HIVEP3: variants seen among roughly 807,000 people sequenced by gnomAD.
The protein encoded by HIVEP3 is transcription factor HIVEP3.
A neutral mutation model predicts 152.8 loss-of-function variants in HIVEP3; 49 were observed. The ratio of observed to expected loss-of-function variants is 0.32; its 90% CI spans 0.26 to 0.41. HIVEP3 has a LOEUF of 0.41. Ranked by LOEUF, HIVEP3 falls within the 10% of genes least tolerant of loss-of-function variation. The probability of loss-of-function intolerance (pLI) is 1.00; values close to 1 mark genes in which losing one functional copy is unlikely to be tolerated. For synonymous variants in HIVEP3, 1,269 were observed against 1,289.0 expected, an observed-to-expected ratio of 0.98 and a Z score of 0.33; for missense variants, 2,790 against 3,103.3, an observed-to-expected ratio of 0.90 and a Z score of 2.40.
chr1:41,689,754 A>G (rs1646167566), intron 2 of HIVEP3, among the ~76,000 whole-genome samples: 1 of 152,250 alleles, frequency 6.6e-6, no homozygotes, highest in Admixed American at 6.5e-5. Flanking sequence ...TCCCTGGCCC[A>G]GCTAATCCAA....
Position 41,559,822 on chromosome 1 carries a change from G to A in HIVEP3, c.5207+15722C>T, listed in dbSNP as rs570198250. Among the ~76,000 whole-genome samples, 54 of 152,336 alleles carry A rather than the reference G, an allele frequency of 3.5e-4. 1 individual carries two copies. Among genetic ancestry groups the A allele is most frequent in the African/African-American group, 1.3e-3 (53 of 41,576 alleles). On this transcript the variant is annotated intron_variant, in intron 5 of 8. Transcript: ENST00000372583. Reference sequence around the variant, plus strand: ...GGATTCTTTTCTAATAATAACAGCTGAGTTTTATGAAGCACTTACTATGTG... The same window carrying A: ...GGATTCTTTTCTAATAATAACAGCTAAGTTTTATGAAGCACTTACTATGTG...
intron 1 of HIVEP3, among the ~76,000 whole-genome samples, chr1:41,850,129 G>A (rs1643556401): frequency 6.6e-6 from 1 of 152,190 alleles, no homozygotes; most frequent in South Asian, 2.1e-4. Context: ...GTCTGGGGTG[G>A]AGGCTGACAG....
intron 1 of HIVEP3, among the ~76,000 whole-genome samples, chr1:41,881,899 A>G (rs1644267533): frequency 6.6e-6 from 1 of 152,238 alleles, no homozygotes; most frequent in Non-Finnish European, 1.5e-5. Context: ...GTATGTCCAG[A>G]GTGTAAGAGA....
chr1:41,853,528 G>A (rs1407690144), intron 1 of HIVEP3, among the ~76,000 whole-genome samples: 2 of 152,160 alleles, frequency 1.3e-5, no homozygotes, highest in African/African-American at 2.4e-5. Flanking sequence ...CTGCCCCCAC[G>A]ATTCAATCAC....
Position 41,510,644 on chromosome 1 carries a change from G to A in HIVEP3, c.7028C>T (p.Pro2343Leu), listed in dbSNP as rs1327266780. The change falls in exon 9 of 9, where the codon CCT becomes CTT. Residue 2343 changes from proline to leucine, a missense_variant. This residue lies in a region of HIVEP3 where 816 missense variants were observed against 806.5 expected (regional missense o/e 1.01). Coordinates refer to ENST00000372583, the MANE Select transcript of HIVEP3 (RefSeq NM_024503.5). ...ESPRAPTNPE[P>L]SATPPLDRSS... ...GCGGTCCAGCGGCGGGGTGGCAGAA[G>A]GCTCGGGGTTGGTCGGTGCACGCGG... The A allele has an allele frequency of 6.5e-7, 1 of 1,541,200 alleles. No homozygotes were observed. Among genetic ancestry groups the A allele is most frequent in the Non-Finnish European group, 8.8e-7 (1 of 1,141,934 alleles).
chr1:41,802,983 GCCCCCA>G (rs1650394840), intron 1 of HIVEP3, among the ~76,000 whole-genome samples: 1 of 152,204 alleles, frequency 6.6e-6, no homozygotes, highest in African/African-American at 2.4e-5. Context: ...CTGGCAGGGT[GCCCCCA>G]CTCCCTGCCC....
chr1:41,757,177 G>A (rs565970798), intron 1 of HIVEP3, among the ~76,000 whole-genome samples: 107 of 151,054 alleles, frequency 7.1e-4, no homozygotes, highest in African/African-American at 1.2e-3. Context: ...GCGCAGTGGC[G>A]TGATCTCGGC....
chr1:41,587,003 T>C (rs1200447438), intron 3 of HIVEP3, among the ~76,000 whole-genome samples: 1 of 152,044 alleles, frequency 6.6e-6, no homozygotes, highest in East Asian at 1.9e-4. Context: ...ACTTATGGTG[T>C]TTCTATAATT....
intron 1 of HIVEP3, among the ~76,000 whole-genome samples, chr1:41,966,640 ATT>A (rs373102318): frequency 0.016 from 2,342 of 142,490 alleles, 34 homozygotes; most frequent in Non-Finnish European, 0.022. Flanking sequence ...TGCCCAGCTA[ATT>A]TTTTTTTTTT....
At chr1:41,607,825 T>A (rs778452249) in intron 3 of HIVEP3, among the ~76,000 whole-genome samples, 8 of 152,240 alleles carry the variant, frequency 5.3e-5, no homozygotes, top group Admixed American at 5.2e-4. Flanking sequence ...TAAGTGGCCA[T>A]GGCTGATATG....
chr1:41,723,615 C>T (rs1292922898), intron 1 of HIVEP3, among the ~76,000 whole-genome samples: 3 of 152,030 alleles, frequency 2.0e-5, no homozygotes, highest in African/African-American at 4.8e-5. Flanking sequence ...GCTACTTGTA[C>T]ATTTCATTTT....
intron 2 of HIVEP3, among the ~76,000 whole-genome samples, chr1:41,637,314 T>A (rs1359543094): frequency 2.6e-5 from 4 of 152,256 alleles, no homozygotes; most frequent in Non-Finnish European, 4.4e-5. Context: ...GGAATAGTCA[T>A]GGGAACATAA....
chr1:41,680,915 C>A (rs1646028366), intron 2 of HIVEP3, among the ~76,000 whole-genome samples: 2 of 152,242 alleles, frequency 1.3e-5, no homozygotes, highest in African/African-American at 4.8e-5. Context: ...CTACCACTTA[C>A]TGAGTACTTG....
At chr1:41,831,472 A>C (rs1642963610) in intron 1 of HIVEP3, among the ~76,000 whole-genome samples, 1 of 152,176 alleles carries the variant, frequency 6.6e-6, no homozygotes, top group Non-Finnish European at 1.5e-5. Flanking sequence ...GGAATCATAC[A>C]GTTTTTTATG....
intron 1 of HIVEP3, among the ~76,000 whole-genome samples, chr1:41,874,897 C>A (rs1027191611): frequency 6.6e-6 from 1 of 152,200 alleles, no homozygotes; most frequent in African/African-American, 2.4e-5. Flanking sequence ...ATCCTCCCAG[C>A]TGCTCACACA....
At chr1:41,780,817 G>A (rs915010731) in intron 1 of HIVEP3, among the ~76,000 whole-genome samples, 2 of 152,182 alleles carry the variant, frequency 1.3e-5, no homozygotes, top group African/African-American at 4.8e-5. Context: ...GCTAAGCCAG[G>A]CATGGAAGGT....
intron 1 of HIVEP3, among the ~76,000 whole-genome samples, chr1:41,995,320 C>T (rs909059022): frequency 6.6e-6 from 1 of 152,094 alleles, no homozygotes. Context: ...GTTGTCTTCC[C>T]AGCAGAAACA....
At position 41,575,648 on chromosome 1, in the gene HIVEP3, A is replaced by C; in HGVS notation, c.5103T>G (p.Asp1701Glu). 6.2e-7 allele frequency: 1 copy of C among 1,614,048 alleles called. No individual in the cohort carries two copies. The highest frequency in any genetic ancestry group is 8.5e-7 in the Non-Finnish European group (1 of 1,179,990). The change falls in exon 5 of 9, where the codon GAT becomes GAG. Residue 1701 changes from aspartate to glutamate, a missense_variant. By Grantham distance (45) the Asp-to-Glu change is conservative (BLOSUM62 2). Around this residue, in one of 9 missense-constraint regions of HIVEP3, gnomAD observed 1,078 missense variants for 1,165.3 expected, o/e 0.93. Transcript: ENST00000372583. ...PSLVSPEGQKDLARVEKEEER... is the reference protein window; with the variant it reads ...PSLVSPEGQKELARVEKEEER... ...CTTCTTCCTTCTCCACTCTAGCTAG[A>C]TCTTTCTGGCCTTCCGGGGAAACCA...
rs147765532 is a variant in HIVEP3, at chr1:41,658,959, A to G, written c.-720-30012T>C. 1.6e-3 allele frequency among the ~76,000 whole-genome samples: 240 copies of G among 152,306 alleles called. 1 individual carries two copies. Among genetic ancestry groups the G allele is most frequent in the African/African-American group, 5.6e-3 (231 of 41,562 alleles). ...GAAGTCTGACCTTTTCCTCATTTAC[A>G]GGGGTTGGGGATGGACAGATCTAGA... On this transcript the variant is annotated intron_variant, in intron 2 of 8. Coordinates refer to ENST00000372583, the MANE Select transcript of HIVEP3 (RefSeq NM_024503.5).
Sources: gnomAD v4.1 joint callset for allele counts (sites outside exome capture counted in the v4.1 genomes callset) on GRCh38, gnomAD v4.1.1 for gene constraint, gnomAD v4.1.1 regional missense constraint, MANE v1.5 for transcripts, NCBI Gene and HGNC (gene_info 2026-07-23, HGNC 2026-07-21) for gene names.